The following EIF3D variants were observed in gnomAD, a reference collection of about 807,000 sequenced individuals.
The protein encoded by EIF3D is eukaryotic translation initiation factor 3 subunit D.
EIF3D carries 10 observed loss-of-function variants against 75.4 expected under a neutral mutation model. The ratio of observed to expected loss-of-function variants is 0.13; its 90% CI spans 0.08 to 0.22. The LOEUF (loss-of-function observed/expected upper bound fraction) is 0.22. Ranked by LOEUF, EIF3D falls within the 10% of genes least tolerant of loss-of-function variation. The pLI is 1.00. For missense variants in EIF3D, 394 were observed against 708.0 expected, an observed-to-expected ratio of 0.56 and a Z score of 5.03; for synonymous variants, 246 against 248.3, an observed-to-expected ratio of 0.99 and a Z score of 0.09.
chr22:36,527,144 CCA>C (rs1157791877), intron 1 of EIF3D, among the ~76,000 whole-genome samples: 1 of 152,198 alleles, frequency 6.6e-6, no homozygotes, highest in Non-Finnish European at 1.5e-5. Context: ...AAGGAGGTCC[CCA>C]CAGACCTCAG....
Position 36,519,417 on chromosome 22 carries a change from A to G in EIF3D, c.699T>C (p.Pro233=), listed in dbSNP as rs138620321. ...IFHTVTTTDD[P]VIRKLAKTQG... ...AGGAGGCGCACACCTTGCGGATGAC[A>G]GGGTCGTCTGTGGTGGTGACAGTGT... The change falls in exon 8 of 15, where the codon CCT becomes CCC. Residue 233 remains proline, a synonymous_variant. Coordinates refer to ENST00000216190, the MANE Select transcript of EIF3D (RefSeq NM_003753.4). 1.9e-4 allele frequency: 302 copies of G among 1,614,152 alleles called. No individual in the cohort carries two copies. In the African/African-American group the frequency reaches 3.7e-3, roughly 20 times the overall value.
chr22:36,512,878 CA>C (rs1934364309), intron 12 of EIF3D: 1 of 326,916 alleles, frequency 3.1e-6, no homozygotes, highest in Non-Finnish European at 5.9e-6. Flanking sequence ...CACACACACA[CA>C]CTTTAGAAGT....
intron 8 of EIF3D, 124 bp downstream of exon 8, chr22:36,519,281 T>C (rs1934474647): frequency 1.4e-6 from 2 of 1,391,074 alleles, no homozygotes; most frequent in African/African-American, 1.4e-5. Context: ...CCGGTCTACC[T>C]GGCAAAGTGC....
chr22:36,526,613 C>CTTTCTTTT (rs1555889295), intron 1 of EIF3D, among the ~76,000 whole-genome samples: 3,240 of 145,710 alleles, frequency 0.022, 64 homozygotes, highest in Non-Finnish European at 0.037. Flanking sequence ...TTCTTTCTTT[C>CTTTCTTTT]TTTTTTTTTT....
chr22:36,527,936 G>C (rs998616504), intron 1 of EIF3D, among the ~76,000 whole-genome samples: 1 of 152,100 alleles, frequency 6.6e-6, no homozygotes, highest in African/African-American at 2.4e-5. Flanking sequence ...ATGACATTTG[G>C]GTGACAGCAA....
intron 12 of EIF3D, among the ~76,000 whole-genome samples, chr22:36,514,142 GAAGA>G (rs1254371095): frequency 6.6e-6 from 1 of 152,210 alleles, no homozygotes; most frequent in Non-Finnish European, 1.5e-5. Context: ...AGCTTAGGTG[GAAGA>G]AAGACAATGC....
At chr22:36,526,365 G>A (rs78010647) in intron 1 of EIF3D, among the ~76,000 whole-genome samples, 2 of 152,058 alleles carry the variant, frequency 1.3e-5, no homozygotes, top group African/African-American at 2.4e-5. Flanking sequence ...TTAATTCCAC[G>A]ACACTCTCTT....
chr22:36,526,960 A>G (rs1934614013), intron 1 of EIF3D: 2 of 152,226 alleles, frequency 1.3e-5, no homozygotes, highest in South Asian at 4.1e-4. Flanking sequence ...CCACACAAGT[A>G]TTCAGACTTG....
Position 36,516,715 on chromosome 22 carries a change from C to T in EIF3D, c.1066G>A (p.Val356Ile), listed in dbSNP as rs778101945. ...DDMDKNEIAS[V>I]AYRYRRWKLG... is the part of the protein sequence containing the mutation. ...AGAGAGGTGACCTACCGGTACGCAA[C>T]AGAGGCGATTTCATTCTTATCCATG... is the stretch of plus-strand genomic sequence containing the variant. The change falls in exon 11 of 15, where the codon GTT becomes ATT. Residue 356 changes from valine to isoleucine, a missense_variant. Coordinates refer to ENST00000216190, the MANE Select transcript of EIF3D (RefSeq NM_003753.4). 5 of 1,614,246 alleles carry T rather than the reference C, an allele frequency of 3.1e-6. No homozygotes were observed. The highest frequency in any genetic ancestry group is 4.2e-6 in the Non-Finnish European group (5 of 1,180,048).
At chr22:36,520,517 TC>T (rs756196993) in intron 7 of EIF3D, 58 bp downstream of exon 7, 11 of 1,229,680 alleles carry the variant, frequency 8.9e-6, no homozygotes, top group Non-Finnish European at 1.3e-5. Context: ...AAAATACCCA[TC>T]ACCAGCTGGT....
intron 9 of EIF3D, 46 bp from the exon 10 acceptor site, chr22:36,517,477 T>C (rs1326019586): frequency 3.8e-6 from 6 of 1,581,750 alleles, no homozygotes; most frequent in Non-Finnish European, 4.3e-6. Context: ...AAAGAGTCAC[T>C]GACAATGTGC....
intron 12 of EIF3D, 158 bp downstream of exon 12, chr22:36,516,319 CA>C: frequency 5.0e-6 from 4 of 792,480 alleles, no homozygotes; most frequent in Non-Finnish European, 7.9e-6. Flanking sequence ...AGGAACTAAG[CA>C]GAGGAAAAAA....
chr22:36,514,983 C>A (rs1568998283), intron 12 of EIF3D, among the ~76,000 whole-genome samples: 1 of 144,336 alleles, frequency 6.9e-6, no homozygotes, highest in Non-Finnish European at 1.5e-5. Flanking sequence ...TACCAACCTC[C>A]CCCCTCTCTT....
intron 6 of EIF3D, among the ~76,000 whole-genome samples, chr22:36,522,890 A>G (rs1934536542): frequency 6.6e-6 from 1 of 152,122 alleles, no homozygotes; most frequent in Admixed American, 6.5e-5. Flanking sequence ...TGAGGCCCTC[A>G]CCAGATGTGG....
rs150022120 is a variant in EIF3D, at chr22:36,519,456, G to T, written c.660C>A (p.Ile220=). 3.1e-6 allele frequency: 5 copies of T among 1,614,080 alleles called. No homozygotes were observed. Among genetic ancestry groups the T allele is most frequent in the Non-Finnish European group, 4.2e-6 (5 of 1,180,048 alleles). Residue 220 remains isoleucine (I), a synonymous_variant, in exon 8 of 15, where the codon ATC becomes ATA. Transcript: ENST00000216190. ...TTRSEKPLRS[I]KRIFHTVTTT... ...TGGTGACAGTGTGGAAGATGCGCTT[G>T]ATGCTCCGCAGTGGCTTCTCACTCC...
chr22:36,524,612 C>T lies in EIF3D; in HGVS notation c.290G>A (p.Arg97Gln). The change falls in exon 4 of 15, where the codon CGA becomes CAA. Residue 97 changes from arginine to glutamine, a missense_variant. Arg to Gln is a conservative substitution (Grantham distance 43, BLOSUM62 1). Coordinates refer to ENST00000216190, the MANE Select transcript of EIF3D (RefSeq NM_003753.4). The stretch of plus-strand genomic sequence containing the variant: ...TTGGCCTACCTGGGCAAATCTCATT[C>T]GATTCCGCTGGTAGGCCGTCTTCTG... ...RTQKTAYQRN[R>Q]MRFAQRNLRR... The T allele has an allele frequency of 3.7e-6, 6 of 1,614,202 alleles. No homozygotes were observed. The highest frequency in any genetic ancestry group is 1.1e-5 in the South Asian group (1 of 91,086).
intron 12 of EIF3D, chr22:36,512,953 G>T: frequency 5.4e-6 from 1 of 185,430 alleles, no homozygotes. Flanking sequence ...GCTTCACAGA[G>T]GACGTGTAAC....
chr22:36,519,168 A>G (rs964060180), intron 8 of EIF3D, among the ~76,000 whole-genome samples: 11 of 152,176 alleles, frequency 7.2e-5, no homozygotes, highest in African/African-American at 2.7e-4. Context: ...TGCTATGTAC[A>G]TCTACCCCTT....
chr22:36,515,681 T>C (rs576442907), intron 12 of EIF3D, among the ~76,000 whole-genome samples: 1 of 152,094 alleles, frequency 6.6e-6, no homozygotes, highest in Non-Finnish European at 1.5e-5. Context: ...GTGACTCCAC[T>C]GGGATCAAAA....
Sources: gnomAD v4.1 joint callset for allele counts (sites outside exome capture counted in the v4.1 genomes callset) on GRCh38, gnomAD v4.1.1 for gene constraint, MANE v1.5 for transcripts, NCBI Gene and HGNC (gene_info 2026-07-23, HGNC 2026-07-21) for gene names.